Variants in GSE1 observed in about 807,000 individuals in gnomAD.
GSE1 encodes the protein genetic suppressor element 1.
In GSE1, 32 loss-of-function variants were observed where a neutral mutation model predicts 112.6. That is an observed-to-expected ratio of 0.28 (90% CI 0.21 to 0.38). The LOEUF is 0.38. GSE1 is among the 10% of genes least tolerant of loss of function. The pLI is 1.00. For missense variants in GSE1, 2,348 were observed against 1,699.2 expected, an observed-to-expected ratio of 1.38 and a Z score of -6.71; for synonymous variants, 1,115 against 735.6, an observed-to-expected ratio of 1.52 and a Z score of -8.35.
intron 1 of GSE1, among the ~76,000 whole-genome samples, chr16:85,296,923 C>T (rs956421863): frequency 4.6e-5 from 7 of 152,246 alleles, no homozygotes; most frequent in African/African-American, 1.7e-4. Context: ...TCTGTCGGCA[C>T]GCCCAGGCTG....
chr16:85,300,693 G>A (rs537066814), intron 1 of GSE1, among the ~76,000 whole-genome samples: 3 of 152,324 alleles, frequency 2.0e-5, no homozygotes, highest in African/African-American at 7.2e-5. Flanking sequence ...CGTCTGCCAG[G>A]GTTCCACTTT....
chr16:85,524,394 C>T (rs577363437), intron 2 of GSE1, among the ~76,000 whole-genome samples: 11 of 152,224 alleles, frequency 7.2e-5, no homozygotes, highest in Non-Finnish European at 1.2e-4. Flanking sequence ...AATGGGGCTG[C>T]CTGCGAAGCT....
At chr16:85,246,377 GTCTA>G (rs1905757843) in intron 1 of GSE1, among the ~76,000 whole-genome samples, 1 of 43,000 alleles carries the variant, frequency 2.3e-5, no homozygotes, top group Non-Finnish European at 4.4e-5. Flanking sequence ...ACCACACGCT[GTCTA>G]CACACACACC....
At chr16:85,510,170 G>A (rs554767442) in intron 2 of GSE1, among the ~76,000 whole-genome samples, 7 of 152,190 alleles carry the variant, frequency 4.6e-5, no homozygotes, top group African/African-American at 1.2e-4. Flanking sequence ...TTAGGGGGCC[G>A]CTCAGCTGCT....
intron 2 of GSE1, among the ~76,000 whole-genome samples, chr16:85,443,291 G>A (rs574126115): frequency 2.6e-4 from 40 of 152,218 alleles, no homozygotes; most frequent in African/African-American, 8.4e-4. Context: ...GGCCCATCTC[G>A]CCCGTTTCTC....
intron 2 of GSE1, among the ~76,000 whole-genome samples, chr16:85,420,811 G>C (rs1181574813): frequency 6.6e-6 from 1 of 152,144 alleles, no homozygotes; most frequent in Admixed American, 6.5e-5. Flanking sequence ...AGGACCTCTA[G>C]AGAGGCTGCA....
At chr16:85,571,727 C>A (rs2045990028) in intron 1 of GSE1, among the ~76,000 whole-genome samples, 1 of 152,154 alleles carries the variant, frequency 6.6e-6, no homozygotes, top group African/African-American at 2.4e-5. Flanking sequence ...TGCAGGAGGC[C>A]CCAGCAAGGG....
chr16:85,403,002 AGC>A (rs1395087608), intron 2 of GSE1, among the ~76,000 whole-genome samples: 6 of 151,868 alleles, frequency 4.0e-5, no homozygotes, highest in Non-Finnish European at 8.8e-5. Flanking sequence ...ATCCGGATCC[AGC>A]TTAGCCGGGC....
upstream of GSE1, among the ~76,000 whole-genome samples, chr16:85,606,451 G>T (rs766915495): frequency 6.6e-6 from 1 of 152,224 alleles, no homozygotes; most frequent in African/African-American, 2.4e-5. Context: ...TCACACAGCT[G>T]CACTGTCTGG....
At chr16:85,666,479 T>C (rs2052871105) in intron 13 of GSE1, 132 bp downstream of exon 13, 1 of 808,520 alleles carries the variant, frequency 1.2e-6, no homozygotes, top group African/African-American at 1.7e-5. Flanking sequence ...CAGAAGAAAA[T>C]AATTTCGTTA....
chr16:85,344,696 G>A (rs1175935177), intron 1 of GSE1, among the ~76,000 whole-genome samples: 1 of 152,236 alleles, frequency 6.6e-6, no homozygotes, highest in Admixed American at 6.5e-5. Context: ...AAGGCCCAGA[G>A]AGGTAGAGCC....
At chr16:85,309,131 T>C (rs2045760211) in intron 1 of GSE1, among the ~76,000 whole-genome samples, 1 of 151,660 alleles carries the variant, frequency 6.6e-6, no homozygotes, top group Admixed American at 6.6e-5. Flanking sequence ...AGCGAAGCTC[T>C]CGACCCAGGC....
intron 1 of GSE1, among the ~76,000 whole-genome samples, chr16:85,204,379 C>T (rs1342286050): frequency 6.6e-6 from 1 of 152,186 alleles, no homozygotes; most frequent in Non-Finnish European, 1.5e-5. Flanking sequence ...GTTGTTTCCA[C>T]CTTTTGGCTA....
chr16:85,477,476 C>G (rs952773178), intron 2 of GSE1, among the ~76,000 whole-genome samples: 3 of 151,840 alleles, frequency 2.0e-5, no homozygotes, highest in South Asian at 2.1e-4. Context: ...CCCCTCACCT[C>G]CTTATTGTGA....
intron 1 of GSE1, among the ~76,000 whole-genome samples, chr16:85,298,500 T>C (rs902601337): frequency 6.6e-6 from 1 of 152,214 alleles, no homozygotes; most frequent in Non-Finnish European, 1.5e-5. Flanking sequence ...CGATCTCCGC[T>C]CACTGCAGCC....
intron 1 of GSE1, among the ~76,000 whole-genome samples, chr16:85,226,777 GT>G (rs2075494907): frequency 7.3e-6 from 1 of 137,438 alleles, no homozygotes; most frequent in African/African-American, 3.1e-5. Flanking sequence ...GTGTGTGTGT[GT>G]GTGTGTGTGT....
intron 1 of GSE1, among the ~76,000 whole-genome samples, chr16:85,172,258 C>T (rs1444175506): frequency 1.3e-5 from 2 of 152,230 alleles, no homozygotes; most frequent in African/African-American, 2.4e-5. Context: ...TCCGTTCTAG[C>T]TCCCGTGTGG....
chr16:85,182,650 C>G (rs542435203), intron 1 of GSE1, among the ~76,000 whole-genome samples: 1 of 152,188 alleles, frequency 6.6e-6, no homozygotes, highest in Admixed American at 6.5e-5. Context: ...GCTCACCTGT[C>G]TCTTGGCAGG....
At chr16:85,240,149 C>A (rs1003284434) in intron 1 of GSE1, among the ~76,000 whole-genome samples, 2 of 152,354 alleles carry the variant, frequency 1.3e-5, no homozygotes, top group East Asian at 1.9e-4. Flanking sequence ...GTTCTCCAAG[C>A]GTTCTTGTGA....
Sources: gnomAD v4.1 joint callset for allele counts (sites outside exome capture counted in the v4.1 genomes callset) on GRCh38, gnomAD v4.1.1 for gene constraint, MANE v1.5 for transcripts, NCBI Gene and HGNC (gene_info 2026-07-23, HGNC 2026-07-21) for gene names.